The following GRM1 variants were observed in gnomAD, a reference collection of about 807,000 sequenced individuals.
GRM1 encodes metabotropic glutamate receptor 1.
Under a neutral mutation model 90.9 loss-of-function variants are expected in GRM1, and 33 were observed. The ratio of observed to expected loss-of-function variants is 0.36; its 90% CI spans 0.28 to 0.49. GRM1 has a LOEUF of 0.49. Ranked by LOEUF, GRM1 falls within the 20% of genes least tolerant of loss-of-function variation. The probability of loss-of-function intolerance (pLI) is 0.99; values close to 1 mark genes in which losing one functional copy is unlikely to be tolerated. For synonymous variants in GRM1, 700 were observed against 613.2 expected, an observed-to-expected ratio of 1.14 and a Z score of -2.09; for missense variants, 1,190 against 1,534.3, an observed-to-expected ratio of 0.78 and a Z score of 3.75.
At chr6:146,100,944 G>T (rs565542046) in intron 1 of GRM1, among the ~76,000 whole-genome samples, 1 of 152,100 alleles carries the variant, frequency 6.6e-6, no homozygotes. Context: ...GGGAAAAAAT[G>T]TTTTTAAAAA....
At chr6:146,108,577 G>A (rs571505661) in intron 1 of GRM1, among the ~76,000 whole-genome samples, 1 of 152,282 alleles carries the variant, frequency 6.6e-6, no homozygotes, top group African/African-American at 2.4e-5. Flanking sequence ...TCTCAGGTAT[G>A]TCTTTATCAG....
intron 5 of GRM1, among the ~76,000 whole-genome samples, chr6:146,368,264 G>GC (rs1775770594): frequency 1.4e-5 from 2 of 139,338 alleles, no homozygotes; most frequent in Non-Finnish European, 3.1e-5. Flanking sequence ...TTTTTTTGGG[G>GC]GGGGGGGTAG....
At chr6:146,373,219 G>A (rs1205422607) in intron 5 of GRM1, among the ~76,000 whole-genome samples, 2 of 151,990 alleles carry the variant, frequency 1.3e-5, no homozygotes, top group African/African-American at 2.4e-5. Flanking sequence ...TTATGTGTGT[G>A]TATTAGTCTG....
chr6:146,047,370 C>T (rs1035724641), intron 1 of GRM1, among the ~76,000 whole-genome samples: 1 of 151,872 alleles, frequency 6.6e-6, no homozygotes, highest in African/African-American at 2.4e-5. Flanking sequence ...TCTAGAAAAA[C>T]ATCATTAATC....
intron 1 of GRM1, among the ~76,000 whole-genome samples, chr6:146,062,177 G>A (rs899439333): frequency 1.3e-5 from 2 of 152,254 alleles, no homozygotes; most frequent in East Asian, 3.9e-4. Context: ...AAAGGGATGA[G>A]TTCATGTCCT....
intron 2 of GRM1, among the ~76,000 whole-genome samples, chr6:146,187,404 T>C (rs1268041219): frequency 6.6e-6 from 1 of 152,120 alleles, no homozygotes; most frequent in Non-Finnish European, 1.5e-5. Context: ...CATTTATAAC[T>C]CATACCATAT....
Position 146,254,806 on chromosome 6 carries a change from A to G in GRM1, c.951-49805A>G, listed in dbSNP as rs377492376. On this transcript the variant is annotated intron_variant, in intron 2 of 7. Transcript: ENST00000282753. ...TGTACCAAATATTAGCAAACTGTAA[A>G]TATCAGTTCTTATATCATCTTCCCC... is the stretch of plus-strand genomic sequence containing the variant. Among the ~76,000 whole-genome samples the G allele has an allele frequency of 8.5e-5, 13 of 152,194 alleles. No individual in the cohort carries two copies. The East Asian group carries it at 1.7e-3, about 20-fold the overall frequency.
chr6:146,373,533 C>T (rs1234320470), intron 5 of GRM1, among the ~76,000 whole-genome samples: 4 of 152,128 alleles, frequency 2.6e-5, no homozygotes, highest in Non-Finnish European at 5.9e-5. Flanking sequence ...CGCCTCCCAT[C>T]AGACCCCTTC....
chr6:146,084,512 A>G (rs1198038489), intron 1 of GRM1, among the ~76,000 whole-genome samples: 1 of 152,034 alleles, frequency 6.6e-6, no homozygotes, highest in Admixed American at 6.6e-5. Context: ...ATCATTCAGG[A>G]GCAGGTTGTT....
chr6:146,318,231 A>G (rs868355554), intron 3 of GRM1, among the ~76,000 whole-genome samples: 17 of 151,758 alleles, frequency 1.1e-4, no homozygotes, highest in African/African-American at 4.1e-4. Context: ...ACTCCCACTT[A>G]TGAGTGAGAA....
chr6:146,306,157 T>A (rs1043528232), intron 3 of GRM1, among the ~76,000 whole-genome samples: 1 of 152,136 alleles, frequency 6.6e-6, no homozygotes, highest in African/African-American at 2.4e-5. Flanking sequence ...TCAGTGTGGC[T>A]TCTAGGGAGG....
At chr6:146,137,763 A>C (rs562110932) in intron 1 of GRM1, among the ~76,000 whole-genome samples, 1 of 152,306 alleles carries the variant, frequency 6.6e-6, no homozygotes, top group Admixed American at 6.5e-5. Context: ...ACATTTTAAC[A>C]ACATTAATTC....
At chr6:146,302,843 A>G (rs1183540943) in intron 2 of GRM1, among the ~76,000 whole-genome samples, 2 of 152,050 alleles carry the variant, frequency 1.3e-5, no homozygotes, top group Non-Finnish European at 2.9e-5. Flanking sequence ...AGCAAAGAAA[A>G]GAAGAAAGAA....
chr6:146,381,610 C>T (rs1776320937), intron 5 of GRM1, among the ~76,000 whole-genome samples: 3 of 152,112 alleles, frequency 2.0e-5, no homozygotes, highest in African/African-American at 7.2e-5. Context: ...ATTTTTGATT[C>T]TCTGTAGATA....
chr6:146,309,964 G>A (rs1023950715), intron 3 of GRM1, among the ~76,000 whole-genome samples: 1 of 152,160 alleles, frequency 6.6e-6, no homozygotes, highest in Non-Finnish European at 1.5e-5. Context: ...TCACACCTCA[G>A]TGAAGTTATA....
chr6:146,294,029 A>G (rs1322198758), intron 2 of GRM1, among the ~76,000 whole-genome samples: 1 of 151,660 alleles, frequency 6.6e-6, no homozygotes, highest in Admixed American at 6.6e-5. Context: ...AGAGGATTGA[A>G]TATTTCATTA....
chr6:146,284,578 T>C (rs2114864571), intron 2 of GRM1, among the ~76,000 whole-genome samples: 1 of 152,288 alleles, frequency 6.6e-6, no homozygotes, highest in Non-Finnish European at 1.5e-5. Context: ...GGGAGGGACC[T>C]GGTGGGAGGT....
intron 1 of GRM1, among the ~76,000 whole-genome samples, chr6:146,065,379 CT>C (rs1775811224): frequency 6.6e-6 from 1 of 152,106 alleles, no homozygotes; most frequent in Non-Finnish European, 1.5e-5. Flanking sequence ...CGCAGGTGGC[CT>C]TTGGTCCAAA....
At chr6:146,043,796 T>TATATATATATATATATAG (rs1554260527) in intron 1 of GRM1, among the ~76,000 whole-genome samples, 2,680 of 137,878 alleles carry the variant, frequency 0.019, 76 homozygotes, top group Middle Eastern at 0.088. Context: ...TATATATATA[T>TATATATATATATATATAG]ATATATATAT....
Sources: gnomAD v4.1 joint callset for allele counts (sites outside exome capture counted in the v4.1 genomes callset) on GRCh38, gnomAD v4.1.1 for gene constraint, MANE v1.5 for transcripts, NCBI Gene and HGNC (gene_info 2026-07-23, HGNC 2026-07-21) for gene names.